The following RFTN2 variants were observed in gnomAD, a reference collection of about 807,000 sequenced individuals.
RFTN2 encodes raftlin family member 2, also known as raftlin-2.
In RFTN2, 34 loss-of-function variants were observed where a neutral mutation model predicts 52.7. The ratio of observed to expected loss-of-function variants is 0.64; its 90% CI spans 0.49 to 0.86. The LOEUF (loss-of-function observed/expected upper bound fraction) is 0.86, where lower values mean the gene tolerates loss of function less well. RFTN2 is among the 40% of genes least tolerant of loss of function. RFTN2 has a pLI of 0.00. For synonymous variants in RFTN2, 203 were observed against 217.7 expected (o/e 0.93, Z 0.59); for missense variants, 536 against 600.1 (o/e 0.89, Z 1.12).
At chr2:197,648,191 C>T (rs2088780043) in intron 1 of RFTN2, among the ~76,000 whole-genome samples, 1 of 152,158 alleles carries the variant, frequency 6.6e-6, no homozygotes, top group Non-Finnish European at 1.5e-5. Context: ...CCCCTCCTCC[C>T]CTTACATCAG....
At chr2:197,600,742 G>A (rs892547951) in intron 7 of RFTN2, among the ~76,000 whole-genome samples, 4 of 152,098 alleles carry the variant, frequency 2.6e-5, no homozygotes, top group Admixed American at 6.5e-5. Flanking sequence ...CTACAAAAAG[G>A]TTCATCCAAA....
chr2:197,672,799 T>A (rs1449898856), intron 1 of RFTN2, among the ~76,000 whole-genome samples: 1 of 152,140 alleles, frequency 6.6e-6, no homozygotes, highest in East Asian at 1.9e-4. Flanking sequence ...CTATGATTTC[T>A]CCTATAGAGA....
At chr2:197,659,633 C>G (rs969879966) in intron 1 of RFTN2, among the ~76,000 whole-genome samples, 1 of 151,846 alleles carries the variant, frequency 6.6e-6, no homozygotes, top group Admixed American at 6.6e-5. Flanking sequence ...TCCTGGCCAA[C>G]ATGGTAAAAC....
rs563541671 is a variant in RFTN2, at chr2:197,670,460, C to T, written c.139+4860G>A. On this transcript the variant is annotated intron_variant, in intron 1 of 8. Coordinates refer to ENST00000295049, the MANE Select transcript of RFTN2 (RefSeq NM_144629.3). Reference sequence around the variant, plus strand: ...TCCCTCAATGATTCTAACAGTTTACCCACACTGGTGTTTAAGACCAGTCTG... The same window carrying T: ...TCCCTCAATGATTCTAACAGTTTACTCACACTGGTGTTTAAGACCAGTCTG... Among the ~76,000 whole-genome samples, 7 of 152,142 alleles carry T rather than the reference C, an allele frequency of 4.6e-5. No individual in the cohort carries two copies. The South Asian group carries it at 1.4e-3, about 32-fold the overall frequency.
chr2:197,589,219 C>CAAAAAAAAAAA (rs35798927), intron 8 of RFTN2, among the ~76,000 whole-genome samples: 2 of 33,536 alleles, frequency 6.0e-5, no homozygotes, highest in African/African-American at 1.0e-4. Context: ...GACTCTGTCT[C>CAAAAAAAAAAA]AAAAAAAAAA....
chr2:197,637,206 T>G (rs1169476506), intron 3 of RFTN2, among the ~76,000 whole-genome samples: 1 of 151,784 alleles, frequency 6.6e-6, no homozygotes, highest in Non-Finnish European at 1.5e-5. Flanking sequence ...ATTCTCTTTT[T>G]TGGTTGTGTC....
At chr2:197,646,033 A>C (rs1335785865) in intron 2 of RFTN2, among the ~76,000 whole-genome samples, 1 of 152,312 alleles carries the variant, frequency 6.6e-6, no homozygotes, top group South Asian at 2.1e-4. Context: ...TCTTGAAAAA[A>C]AAAAAGTTTT....
chr2:197,572,163 G>C lies in RFTN2; in HGVS notation c.1351C>G (p.Arg451Gly). Residue 451 changes from arginine to glycine, a missense_variant, in exon 9 of 9, where the codon CGC (arginine) becomes GGC (glycine). Transcript: ENST00000295049. ...AESRHLPEEC[R>G]LSPSRECWTK... is the part of the protein sequence containing the mutation. ...CAGCATTCCCGGGAGGGAGAAAGGC[G>C]GCACTCCTCAGGCAGGTGTCTGCTC... 1 of 1,614,222 alleles carries C rather than the reference G, an allele frequency of 6.2e-7. No individual in the cohort carries two copies.
At chr2:197,637,323 T>C (rs1026321275) in intron 3 of RFTN2, among the ~76,000 whole-genome samples, 4 of 152,232 alleles carry the variant, frequency 2.6e-5, no homozygotes. Flanking sequence ...TGGTACCAGT[T>C]GTTCCTTGTA....
chr2:197,654,447 G>A (rs1283490487), intron 1 of RFTN2, among the ~76,000 whole-genome samples: 2 of 151,908 alleles, frequency 1.3e-5, no homozygotes, highest in African/African-American at 4.8e-5. Flanking sequence ...GCCATTAGAG[G>A]GGTGTTAAAG....
chr2:197,658,188 T>C (rs971559838), intron 1 of RFTN2, among the ~76,000 whole-genome samples: 94 of 152,130 alleles, frequency 6.2e-4, no homozygotes, highest in African/African-American at 2.2e-3. Context: ...TATTTTTTTT[T>C]TTTTTAGAAA....
chr2:197,628,521 A>G (rs945177638), intron 5 of RFTN2, among the ~76,000 whole-genome samples: 1 of 152,214 alleles, frequency 6.6e-6, no homozygotes, highest in Non-Finnish European at 1.5e-5. Context: ...AGAGATTGTG[A>G]AAAGTGTATG....
At chr2:197,668,951 C>T (rs1173492506) in intron 1 of RFTN2, among the ~76,000 whole-genome samples, 4 of 152,186 alleles carry the variant, frequency 2.6e-5, no homozygotes, top group Admixed American at 2.0e-4. Flanking sequence ...TTTCCCCATA[C>T]TGGGGAGTCT....
At chr2:197,588,691 A>G (rs2087640535) in intron 8 of RFTN2, among the ~76,000 whole-genome samples, 2 of 152,246 alleles carry the variant, frequency 1.3e-5, no homozygotes, top group South Asian at 4.1e-4. Flanking sequence ...TTAAACACCC[A>G]AGACAGGGAC....
intron 1 of RFTN2, among the ~76,000 whole-genome samples, chr2:197,673,955 G>A (rs2089180469): frequency 6.6e-6 from 1 of 151,932 alleles, no homozygotes; most frequent in South Asian, 2.1e-4. Context: ...GTACAGAAAC[G>A]AGTCCTAAAA....
chr2:197,626,945 G>C (rs2088374954), intron 5 of RFTN2, among the ~76,000 whole-genome samples: 1 of 152,202 alleles, frequency 6.6e-6, no homozygotes, highest in South Asian at 2.1e-4. Flanking sequence ...ACAGGTTGCT[G>C]TGGGGACTAA....
intron 8 of RFTN2, among the ~76,000 whole-genome samples, chr2:197,575,896 A>T (rs1559335299): frequency 7.6e-6 from 1 of 132,006 alleles, no homozygotes; most frequent in South Asian, 2.2e-4. Context: ...TAATATATAT[A>T]ATATATATAT....
intron 1 of RFTN2, among the ~76,000 whole-genome samples, chr2:197,668,032 C>G (rs1464003355): frequency 6.6e-6 from 1 of 152,022 alleles, no homozygotes; most frequent in Non-Finnish European, 1.5e-5. Context: ...GATGGGACAA[C>G]CTTTGGGTTG....
In RFTN2 at chr2:197,573,576, G is replaced by A. The variant is rs74563586; in HGVS notation, c.1234-1296C>T. ...CTTATGTTTACATTTGCAGACTGATGATACCATAGAAAAGAAAAACCAATT... is the reference window on the plus strand; with the variant it reads ...CTTATGTTTACATTTGCAGACTGATAATACCATAGAAAAGAAAAACCAATT... On this transcript the variant is annotated intron_variant, in intron 8 of 8. Transcript: ENST00000295049. Among the ~76,000 whole-genome samples the A allele has an allele frequency of 8.3e-3, 1,258 of 152,286 alleles. 10 individuals are homozygous for A. The highest frequency in any genetic ancestry group is 0.023 in the South Asian group (111 of 4,826).
Sources: gnomAD v4.1 joint callset for allele counts (sites outside exome capture counted in the v4.1 genomes callset) on GRCh38, gnomAD v4.1.1 for gene constraint, MANE v1.5 for transcripts, NCBI Gene and HGNC (gene_info 2026-07-23, HGNC 2026-07-21) for gene names.